The following DGKI variants were observed in gnomAD, a reference collection of about 807,000 sequenced individuals.
The protein encoded by DGKI is DAG kinase iota.
In DGKI, 55 loss-of-function variants were observed where a neutral mutation model predicts 147.5. That is an observed-to-expected ratio of 0.37 (90% CI 0.30 to 0.47). The LOEUF (loss-of-function observed/expected upper bound fraction) is 0.47, where lower values mean the gene tolerates loss of function less well. Ranked by LOEUF, DGKI falls within the 20% of genes least tolerant of loss-of-function variation. The pLI is 1.00. For synonymous variants in DGKI, 469 were observed against 477.1 expected (o/e 0.98, Z 0.22); for missense variants, 1,007 against 1,323.8 (o/e 0.76, Z 3.71).
intron 11 of DGKI, among the ~76,000 whole-genome samples, chr7:137,599,308 G>C (rs916072660): frequency 1.3e-5 from 2 of 152,128 alleles, no homozygotes; most frequent in Non-Finnish European, 2.9e-5. Flanking sequence ...ACGGGATTGA[G>C]CAGGAATTAA....
intron 1 of DGKI, among the ~76,000 whole-genome samples, chr7:137,781,776 C>T (rs1385279310): frequency 6.6e-6 from 1 of 152,094 alleles, no homozygotes; most frequent in Non-Finnish European, 1.5e-5. Context: ...ACCGGAATTG[C>T]CAGGGAAGGA....
In DGKI at chr7:137,846,156, C is replaced by T. The variant is rs1353810979; in HGVS notation, c.401+306G>A. On this transcript the variant is annotated intron_variant, in intron 1 of 32. Transcript: ENST00000614521. This position sits in a 1 kb window ranked among gnomAD's most constrained non-coding sequence, Gnocchi z 4.0. ...TCTTTCTCTCTCTCTCTCTCTCTCTCTCTCTCACACACACACACACACACA... is the reference window on the plus strand; with the variant it reads ...TCTTTCTCTCTCTCTCTCTCTCTCTTTCTCTCACACACACACACACACACA... Among the ~76,000 whole-genome samples the T allele has an allele frequency of 5.0e-5, 7 of 140,676 alleles. No individual in the cohort carries two copies. Among genetic ancestry groups the T allele is most frequent in the African/African-American group, 2.0e-4 (7 of 34,150 alleles). The allele number at this position is 140,676 out of a possible 152,430, so 92.3% of individuals were successfully genotyped here.
intron 2 of DGKI, among the ~76,000 whole-genome samples, chr7:137,685,606 A>AT (rs1293285829): frequency 6.6e-6 from 1 of 152,150 alleles, no homozygotes; most frequent in Non-Finnish European, 1.5e-5. Context: ...AGATGAGAAT[A>AT]TTTTTTCCTT....
intron 7 of DGKI, among the ~76,000 whole-genome samples, chr7:137,620,857 G>A (rs940685995): frequency 6.6e-6 from 1 of 152,060 alleles, no homozygotes; most frequent in African/African-American, 2.4e-5. Context: ...ATAATTATAG[G>A]CCTTAAATTT....
chr7:137,504,532 T>G (rs537944042), intron 21 of DGKI, among the ~76,000 whole-genome samples: 1 of 152,170 alleles, frequency 6.6e-6, no homozygotes, highest in African/African-American at 2.4e-5. Context: ...AATTAAAAAG[T>G]CAGAAAATAG....
rs538892825 is a variant in DGKI, at chr7:137,441,420, CAAAAAAAAAAAAA to C, written c.2761+2644_2761+2656del. Among the ~76,000 whole-genome samples, 7 of 67,550 alleles carry C rather than the reference CAAAAAAAAAAAAA, an allele frequency of 1.0e-4. 1 individual carries two copies. In the East Asian group the frequency reaches 3.1e-3, roughly 30 times the overall value. 44.3% of individuals were successfully genotyped at this position (67,550 alleles called of 152,430 possible). ...TGGGCGACAGAGTGAGACTCCGTCT[CAAAAAAAAAAAAA>C]AAAAAAAAAATCAGAAAGTGATTTC... On this transcript the variant is annotated intron_variant, in intron 28 of 32. Transcript: ENST00000614521.
intron 5 of DGKI, among the ~76,000 whole-genome samples, chr7:137,654,466 C>G (rs1185579476): frequency 1.3e-5 from 2 of 152,202 alleles, no homozygotes; most frequent in East Asian, 3.8e-4. Flanking sequence ...CCCTTCAATT[C>G]TATCACTACC....
At position 137,444,381 on chromosome 7, in the gene DGKI, A is replaced by T. The variant is rs550573197; in HGVS notation, c.2736-279T>A. 4.6e-5 allele frequency among the ~76,000 whole-genome samples: 7 copies of T among 152,336 alleles called. No individual in the cohort carries two copies. The South Asian group carries it at 8.3e-4, about 18-fold the overall frequency. Reference sequence around the variant, plus strand: ...AAGTCTAGATTTACCACACAAAAAAAGAGAACTCATAGAAATGTAGTATAG... The same window carrying T: ...AAGTCTAGATTTACCACACAAAAAATGAGAACTCATAGAAATGTAGTATAG... On this transcript the variant is annotated intron_variant, in intron 27 of 32. Coordinates refer to ENST00000614521, the MANE Select transcript of DGKI (RefSeq NM_001321708.2).
intron 1 of DGKI, among the ~76,000 whole-genome samples, chr7:137,706,502 T>G (rs1794030379): frequency 6.7e-6 from 1 of 149,764 alleles, no homozygotes; most frequent in South Asian, 2.1e-4. Flanking sequence ...TTTATTTTAT[T>G]TTATTTTATT....
At chr7:137,825,570 C>T (rs1798029958) in intron 1 of DGKI, among the ~76,000 whole-genome samples, 1 of 152,056 alleles carries the variant, frequency 6.6e-6, no homozygotes, top group Non-Finnish European at 1.5e-5. Context: ...TAGCAAGTGA[C>T]ATGAAAAACG....
At chr7:137,675,194 GT>G (rs1228640701) in intron 3 of DGKI, among the ~76,000 whole-genome samples, 1 of 152,162 alleles carries the variant, frequency 6.6e-6, no homozygotes, top group Non-Finnish European at 1.5e-5. Flanking sequence ...GCAGCTGAGA[GT>G]CCCCAACTAC....
intron 6 of DGKI, among the ~76,000 whole-genome samples, chr7:137,629,798 C>A (rs1436618481): frequency 6.6e-6 from 1 of 152,154 alleles, no homozygotes; most frequent in Non-Finnish European, 1.5e-5. Context: ...TATGTGTACC[C>A]TTGCCTGGTA....
At chr7:137,604,702 C>G (rs1820111394) in intron 10 of DGKI, among the ~76,000 whole-genome samples, 1 of 149,796 alleles carries the variant, frequency 6.7e-6, no homozygotes, top group African/African-American at 2.6e-5. Flanking sequence ...TAGAATCATC[C>G]TAGAGGTCAG....
chr7:137,770,056 A>G (rs1796135718), intron 1 of DGKI, among the ~76,000 whole-genome samples: 2 of 152,240 alleles, frequency 1.3e-5, no homozygotes, highest in Non-Finnish European at 1.5e-5. Context: ...TACAATAGCA[A>G]AGACTTAGAA....
At chr7:137,827,842 T>C (rs998277203) in intron 1 of DGKI, among the ~76,000 whole-genome samples, 5 of 152,228 alleles carry the variant, frequency 3.3e-5, no homozygotes, top group Non-Finnish European at 5.9e-5. Context: ...ATGGACTGTG[T>C]TCTAAAATTC....
At position 137,624,673 on chromosome 7, in the gene DGKI, C is replaced by T. The variant is rs574460177; in HGVS notation, c.805-1119G>A. On this transcript the variant is annotated intron_variant, in intron 6 of 32. Transcript: ENST00000614521. ...AGGCTGGAGTGCAGTGACCCAATCT[C>T]GTCTCACTGCAAGCTCCGCCTCCCG... 3.3e-5 allele frequency among the ~76,000 whole-genome samples: 5 copies of T among 152,088 alleles called. No homozygotes were observed. In the East Asian group the frequency reaches 7.7e-4, roughly 24 times the overall value.
At chr7:137,536,621 C>T (rs778371138) in intron 20 of DGKI, among the ~76,000 whole-genome samples, 3 of 152,218 alleles carry the variant, frequency 2.0e-5, no homozygotes, top group South Asian at 2.1e-4. Context: ...GATAGGAATT[C>T]GAAGGACCAA....
At chr7:137,661,638 C>T (rs1232469898) in intron 3 of DGKI, among the ~76,000 whole-genome samples, 1 of 152,016 alleles carries the variant, frequency 6.6e-6, no homozygotes, top group Non-Finnish European at 1.5e-5. Flanking sequence ...GACTAGAAAC[C>T]GAGGGAAGGC....
chr7:137,659,313 C>T lies in DGKI; in HGVS notation c.607-2773G>A, dbSNP rs773724690. 1.2e-4 allele frequency among the ~76,000 whole-genome samples: 19 copies of T among 152,038 alleles called. 1 individual carries two copies. Among genetic ancestry groups the T allele is most frequent in the Admixed American group, 1.0e-3 (16 of 15,278 alleles). On this transcript the variant is annotated intron_variant, in intron 3 of 32. Coordinates refer to ENST00000614521, the MANE Select transcript of DGKI (RefSeq NM_001321708.2). Reference sequence around the variant, plus strand: ...TAGAAAAGTAAATAGATTTTTAGTTCCTTAATTGAGGGAAACTGTTTTAGC... The same window carrying T: ...TAGAAAAGTAAATAGATTTTTAGTTTCTTAATTGAGGGAAACTGTTTTAGC...
Sources: gnomAD v4.1 joint callset for allele counts (sites outside exome capture counted in the v4.1 genomes callset) on GRCh38, gnomAD v4.1.1 for gene constraint, Gnocchi (gnomAD v3.1) non-coding constraint, MANE v1.5 for transcripts, NCBI Gene and HGNC (gene_info 2026-07-23, HGNC 2026-07-21) for gene names.